The following KLRG2 variants were observed in gnomAD, a reference collection of about 807,000 sequenced individuals.
The protein encoded by KLRG2 is killer cell lectin-like receptor subfamily G member 2.
In KLRG2, 39 loss-of-function variants were observed where a neutral mutation model predicts 35.4. That is an observed-to-expected ratio of 1.10 (90% CI 0.85 to 1.44). The LOEUF (loss-of-function observed/expected upper bound fraction) is 1.44, where lower values mean the gene tolerates loss of function less well. Ranked by LOEUF, KLRG2 falls within the 40% of genes most tolerant of loss-of-function variation. The pLI is 0.00. For missense variants in KLRG2, 632 were observed against 570.9 expected, an observed-to-expected ratio of 1.11 and a Z score of -1.09; for synonymous variants, 283 against 265.8, an observed-to-expected ratio of 1.06 and a Z score of -0.63.
intron 3 of KLRG2, among the ~76,000 whole-genome samples, chr7:139,476,204 A>G (rs1796847317): frequency 6.6e-6 from 1 of 152,158 alleles, no homozygotes; most frequent in Admixed American, 6.6e-5. Context: ...GGAGTTTGAG[A>G]CAAGCCTGGG....
At chr7:139,468,553 ACT>A (rs772464292) in intron 3 of KLRG2, among the ~76,000 whole-genome samples, 2 of 151,556 alleles carry the variant, frequency 1.3e-5, no homozygotes, top group East Asian at 1.9e-4. Context: ...CCCTTCGCTG[ACT>A]CTTTTTTCAG....
intron 3 of KLRG2, among the ~76,000 whole-genome samples, chr7:139,454,916 A>T (rs1796442258): frequency 1.3e-5 from 2 of 151,568 alleles, no homozygotes; most frequent in South Asian, 4.1e-4. Flanking sequence ...TGTGCTGGAG[A>T]GGTACTAGAG....
chr7:139,480,266 G>A lies in KLRG2; in HGVS notation c.758-19C>T. On this transcript the variant is annotated intron_variant, in intron 1 of 4. Coordinates refer to ENST00000340940, the MANE Select transcript of KLRG2 (RefSeq NM_198508.4). ...GGTAGCCCTGGGACGGGGGCAAACA[G>A]GATAATCAGATTAGTGGAGACCATC... 7.0e-7 allele frequency: 1 copy of A among 1,431,262 alleles called. No homozygotes were observed. Among genetic ancestry groups the A allele is most frequent in the Non-Finnish European group, 9.9e-7 (1 of 1,013,864 alleles). The allele number at this position is 1,431,262 out of a possible 1,614,324, so 88.7% of individuals were successfully genotyped here.
chr7:139,482,936 C>A lies in KLRG2; in HGVS notation c.707G>T (p.Arg236Leu). 2 of 1,493,594 alleles carry A rather than the reference C, an allele frequency of 1.3e-6. No homozygotes were observed. Among genetic ancestry groups the A allele is most frequent in the South Asian group, 1.3e-5 (1 of 77,772 alleles). 92.5% of individuals were successfully genotyped at this position (1,493,594 alleles called of 1,614,324 possible). A position where few individuals can be genotyped will look rare whatever the true frequency, so the allele number is the denominator to read the frequency against. The change falls in exon 1 of 5, where the codon CGC becomes CTC. Residue 236 changes from arginine to leucine, a missense_variant. By Grantham distance (102) the Arg-to-Leu change is moderately radical. Coordinates refer to ENST00000340940, the MANE Select transcript of KLRG2 (RefSeq NM_198508.4). ...LEKEDAALLP[R>L]AGLDGDEKLP... ...CTTCTCGTCGCCGTCCAACCCCGCG[C>A]GGGGCAACAGCGCCGCATCCTCCTT...
rs535790812 is a variant in KLRG2, at chr7:139,467,970, A to G, written c.1005+11657T>C. ...CTGATTGTATGTTCCATCTACTGAG[A>G]TAGGGGAAAACCGCCTTAGGGCTGG... On this transcript the variant is annotated intron_variant, in intron 3 of 4. Coordinates refer to ENST00000340940, the MANE Select transcript of KLRG2 (RefSeq NM_198508.4). Among the ~76,000 whole-genome samples, 11 of 152,338 alleles carry G rather than the reference A, an allele frequency of 7.2e-5. No homozygotes were observed. In the South Asian group the frequency reaches 2.3e-3, roughly 32 times the overall value.
At chr7:139,479,897 G>A in intron 2 of KLRG2, 125 bp from the exon 3 acceptor site, 1 of 1,139,278 alleles carries the variant, frequency 8.8e-7, no homozygotes, top group South Asian at 1.6e-5. Context: ...GCCCCAGGGA[G>A]CTTTTATAGT....
chr7:139,456,363 A>T (rs939122205), intron 3 of KLRG2, among the ~76,000 whole-genome samples: 2 of 151,818 alleles, frequency 1.3e-5, no homozygotes, highest in Non-Finnish European at 2.9e-5. Flanking sequence ...TTTTATTTTT[A>T]TTTTTTTAAT....
In KLRG2 at chr7:139,482,869, C is replaced by A; in HGVS notation, c.757+17G>T. ...CCGACCTGGCGGCGTCGGCTGCCGG[C>A]GCAGGTGAGCACTCACCCGTAAGCG... On this transcript the variant is annotated intron_variant, in intron 1 of 4. Transcript: ENST00000340940. 7.2e-7 allele frequency: 1 copy of A among 1,390,184 alleles called. No individual in the cohort carries two copies. Among genetic ancestry groups the A allele is most frequent in the South Asian group, 1.6e-5 (1 of 60,726 alleles). The allele number at this position is 1,390,184 out of a possible 1,614,324, so 86.1% of individuals were successfully genotyped here.
chr7:139,449,193 G>T (rs1796341926), downstream of KLRG2, among the ~76,000 whole-genome samples: 1 of 151,824 alleles, frequency 6.6e-6, no homozygotes, highest in Admixed American at 6.6e-5. Flanking sequence ...CCTAAGATCA[G>T]GAGTTCAAGA....
At chr7:139,466,014 T>C (rs1011425985) in intron 3 of KLRG2, among the ~76,000 whole-genome samples, 3 of 152,190 alleles carry the variant, frequency 2.0e-5, no homozygotes, top group African/African-American at 4.8e-5. Context: ...GCCTCTTCCA[T>C]GTAGGTTACA....
intron 3 of KLRG2, among the ~76,000 whole-genome samples, chr7:139,454,645 G>A (rs559307825): frequency 2.1e-5 from 3 of 142,454 alleles, no homozygotes; most frequent in East Asian, 2.0e-4. Flanking sequence ...GTGAAACCCC[G>A]TTTCTATTAA....
In KLRG2 at chr7:139,483,176, G is replaced by A. The variant is rs1254101592; in HGVS notation, c.467C>T (p.Pro156Leu). 6.6e-7 allele frequency: 1 copy of A among 1,504,878 alleles called. No individual in the cohort carries two copies. The highest frequency in any genetic ancestry group is 8.8e-7 in the Non-Finnish European group (1 of 1,134,450). The allele number at this position is 1,504,878 out of a possible 1,614,324, so 93.2% of individuals were successfully genotyped here. The change falls in exon 1 of 5, where the codon CCC becomes CTC. Residue 156 changes from proline (P) to leucine (L), a missense_variant. Transcript: ENST00000340940. ...GTGGCGGGAGAAGGCAGGGGACTCG[G>A]GCACCGGCACCTTGAGGAAGCGCGT... ...PSTRFLKVPV[P>L]ESPAFSRHAD...
chr7:139,432,232 C>T, the KLRG2 span, among the ~76,000 whole-genome samples: 3 of 152,022 alleles, frequency 2.0e-5, no homozygotes, highest in East Asian at 1.9e-4. Context: ...GGCCTGTGCC[C>T]GTACTCCCAG....
Position 139,483,088 on chromosome 7 carries a change from GC to G in KLRG2, c.554del (p.Arg185ProfsTer65). The G allele has an allele frequency of 7.0e-7, 1 of 1,426,470 alleles. No homozygotes were observed. Among genetic ancestry groups the G allele is most frequent in the Non-Finnish European group, 9.1e-7 (1 of 1,100,380 alleles). 88.4% of individuals were successfully genotyped at this position (1,426,470 alleles called of 1,614,324 possible). ...APSQGGTWGRRSPLAAARTES... is the reference protein window; with the variant it reads ...APSQGGTWGRXSPLAAARTES... ...CCGTCCGGGCTGCAGCCAGCGGCGA[GC>G]GGCGGCCCCACGTGCCGCCCTGGGA... On this transcript the variant is annotated frameshift_variant, in exon 1 of 5. Coordinates refer to ENST00000340940, the MANE Select transcript of KLRG2 (RefSeq NM_198508.4). LOFTEE classifies it high-confidence loss of function.
chr7:139,461,538 G>GT (rs1796567242), intron 3 of KLRG2, among the ~76,000 whole-genome samples: 1 of 152,170 alleles, frequency 6.6e-6, no homozygotes, highest in East Asian at 1.9e-4. Context: ...ATGGCCTGAA[G>GT]TAACTGAAGA....
chr7:139,471,413 G>A (rs1268535748), intron 3 of KLRG2, among the ~76,000 whole-genome samples: 1 of 152,094 alleles, frequency 6.6e-6, no homozygotes, highest in Non-Finnish European at 1.5e-5. Context: ...TGTAATCCTA[G>A]CACTTTGGGA....
At chr7:139,440,411 CTTTTTTT>C in the KLRG2 span, among the ~76,000 whole-genome samples, 67 of 40,506 alleles carry the variant, frequency 1.7e-3, 2 homozygotes, top group African/African-American at 9.1e-3. Flanking sequence ...CCACACCTGG[CTTTTTTT>C]TTTTTTTTTT....
intron 3 of KLRG2, among the ~76,000 whole-genome samples, chr7:139,459,563 G>T (rs1466182043): frequency 6.6e-6 from 1 of 152,106 alleles, no homozygotes; most frequent in South Asian, 2.1e-4. Flanking sequence ...CCATCTCAAC[G>T]CCAACACCTC....
chr7:139,479,590 G>T, intron 3 of KLRG2, 37 bp downstream of exon 3: 1 of 1,594,702 alleles, frequency 6.3e-7, no homozygotes, highest in Non-Finnish European at 8.5e-7. Context: ...GGTCTAGAAA[G>T]ATCTGTACCC....
Sources: gnomAD v4.1 joint callset for allele counts (sites outside exome capture counted in the v4.1 genomes callset) on GRCh38, gnomAD v4.1.1 for gene constraint, MANE v1.5 for transcripts, NCBI Gene and HGNC (gene_info 2026-07-23, HGNC 2026-07-21) for gene names.